Variants in GAS6 observed in about 807,000 individuals in gnomAD.
GAS6 encodes the protein growth arrest-specific protein 6.
In GAS6, 41 loss-of-function variants were observed where a neutral mutation model predicts 75.8. The observed-to-expected ratio is 0.54, with a 90% confidence interval of 0.42 to 0.70. The LOEUF (loss-of-function observed/expected upper bound fraction) is 0.70. Ranked by LOEUF, GAS6 falls within the 30% of genes least tolerant of loss-of-function variation. The probability of loss-of-function intolerance (pLI) is 0.00; values close to 1 mark genes in which losing one functional copy is unlikely to be tolerated. For missense variants in GAS6, 854 were observed against 940.2 expected, an observed-to-expected ratio of 0.91 and a Z score of 1.20; for synonymous variants, 432 against 412.6, an observed-to-expected ratio of 1.05 and a Z score of -0.57.
intron 12 of GAS6, among the ~76,000 whole-genome samples, chr13:113,826,427 C>CTCAGCT (rs776088717): frequency 8.0e-6 from 1 of 125,254 alleles, no homozygotes; most frequent in African/African-American, 3.1e-5. Flanking sequence ...CGGCGCTGGC[C>CTCAGCT]TCGCAGGCAC....
Position 113,863,868 on chromosome 13 carries a change from AGC to A in GAS6, c.51_52del (p.Gln17HisfsTer101). ...CTCCGCGGCCAGCAGCAGCAGCAGC[AGC>A]TGCGGCGCGCGGCGCAGGGCGGCGG... On this transcript the variant is annotated frameshift_variant, in exon 1 of 15. Coordinates refer to ENST00000327773, the MANE Select transcript of GAS6 (RefSeq NM_000820.4). LOFTEE classifies it high-confidence loss of function. This position sits in a 1 kb window ranked among gnomAD's most constrained non-coding sequence, Gnocchi z 9.4. 8.2e-7 allele frequency: 1 copy of A among 1,219,458 alleles called. No homozygotes were observed. The highest frequency in any genetic ancestry group is 1.0e-6 in the Non-Finnish European group (1 of 979,988). The allele number at this position is 1,219,458 out of a possible 1,614,324, so 75.5% of individuals were successfully genotyped here. A position where few individuals can be genotyped will look rare whatever the true frequency, so the allele number is the denominator to read the frequency against.
chr13:113,828,506 A>G, intron 11 of GAS6, 41 bp downstream of exon 11: 2 of 1,582,060 alleles, frequency 1.3e-6, no homozygotes, highest in Non-Finnish European at 1.7e-6. Context: ...CCGGGATCCC[A>G]GCACACGGCG....
intron 4 of GAS6, among the ~76,000 whole-genome samples, chr13:113,846,041 A>G (rs557112318): frequency 6.6e-6 from 1 of 152,348 alleles, no homozygotes; most frequent in East Asian, 1.9e-4. Context: ...ACATCAGCCA[A>G]TATGCATGGG....
chr13:113,859,476 G>A (rs897127011), intron 2 of GAS6, among the ~76,000 whole-genome samples: 4 of 152,080 alleles, frequency 2.6e-5, no homozygotes, highest in African/African-American at 4.8e-5. Flanking sequence ...ATGTGAATGT[G>A]TGCATGTATG....
At chr13:113,847,856 G>C (rs8191973) in intron 3 of GAS6, 170 bp downstream of exon 3, 113,917 of 683,022 alleles carry the variant, frequency 0.17, 14,663 homozygotes, top group African/African-American at 0.56. Flanking sequence ...ATAAAATAAA[G>C]AGAGAAACTT....
intron 2 of GAS6, among the ~76,000 whole-genome samples, chr13:113,861,632 T>G (rs1399001577): frequency 6.6e-6 from 1 of 152,000 alleles, no homozygotes; most frequent in African/African-American, 2.4e-5. Flanking sequence ...CAGTGGAGAC[T>G]AGGGTCCTGG....
intron 14 of GAS6, 128 bp from the exon 15 acceptor site, chr13:113,821,146 T>C (rs533981191): frequency 1.3e-4 from 120 of 943,520 alleles, no homozygotes; most frequent in Admixed American, 4.4e-4. Context: ...TTCCCTTTCT[T>C]CTCTAACTTC....
At chr13:113,846,072 G>A (rs1354718153) in intron 4 of GAS6, among the ~76,000 whole-genome samples, 5 of 152,250 alleles carry the variant, frequency 3.3e-5, no homozygotes, top group East Asian at 1.9e-4. Flanking sequence ...ATGATGCACC[G>A]GCTGGAAATG....
chr13:113,833,099 T>C (rs1011523765), intron 8 of GAS6: 15 of 1,186,152 alleles, frequency 1.3e-5, no homozygotes, highest in Non-Finnish European at 1.5e-5. Flanking sequence ...GAAATAGATA[T>C]GGATGCCTTG....
At chr13:113,851,473 A>G (rs538727758) in intron 2 of GAS6, among the ~76,000 whole-genome samples, 1 of 150,386 alleles carries the variant, frequency 6.6e-6, no homozygotes, top group Admixed American at 6.7e-5. Context: ...GAGTGAGTAG[A>G]TAGATGAATA....
rs145666590 is a variant in GAS6, at chr13:113,834,631, C to G, written c.754G>C (p.Val252Leu). The G allele has an allele frequency of 1.2e-6, 2 of 1,606,752 alleles. No homozygotes were observed. Among genetic ancestry groups the G allele is most frequent in the East Asian group, 4.5e-5 (2 of 44,552 alleles). Residue 252 changes from valine (V) to leucine (L), a missense_variant, in exon 8 of 15, where the codon GTG (valine) becomes CTG (leucine). Physicochemically the swap from Val to Leu is conservative, Grantham distance 32. Coordinates refer to ENST00000327773, the MANE Select transcript of GAS6 (RefSeq NM_000820.4). The part of the protein sequence containing the change: ...CLQGRCEQVC[V>L]NSPGSYTCHC... ...CAGGTGTAGCTCCCTGGGGAGTTCACGCAGACCTGCTCACAGCGGCCCTGC... is the reference window on the plus strand; with the variant it reads ...CAGGTGTAGCTCCCTGGGGAGTTCAGGCAGACCTGCTCACAGCGGCCCTGC...
intron 10 of GAS6, among the ~76,000 whole-genome samples, chr13:113,829,268 G>T (rs1415062078): frequency 6.8e-6 from 1 of 147,574 alleles, no homozygotes; most frequent in South Asian, 2.2e-4. Flanking sequence ...TGGGCCAAGA[G>T]GGTCCCAATC....
intron 2 of GAS6, among the ~76,000 whole-genome samples, chr13:113,860,452 A>C (rs1215576812): frequency 6.6e-6 from 1 of 152,192 alleles, no homozygotes; most frequent in Non-Finnish European, 1.5e-5. Context: ...ATAAGTCTCT[A>C]GTCTCGGATC....
chr13:113,820,962 CCA>C lies in GAS6; in HGVS notation c.1937_1938del (p.Leu646ArgfsTer63). On this transcript the variant is annotated frameshift_variant, in exon 15 of 15. Coordinates refer to ENST00000327773, the MANE Select transcript of GAS6 (RefSeq NM_000820.4). LOFTEE classifies it low-confidence loss of function (END_TRUNC). Reference sequence around the variant, plus strand: ...AGGTCCAGCAGCCTCCGGTTGACCTCCAGTGTCATGCAGCCGCGGTAGAACGC... The same window carrying C: ...AGGTCCAGCAGCCTCCGGTTGACCTCGTGTCATGCAGCCGCGGTAGAACGC... ...VTAFYRGCMTLEVNRRLLDLD... is the reference protein window; with the variant it reads ...VTAFYRGCMTXEVNRRLLDLD... The C allele has an allele frequency of 6.2e-7, 1 of 1,612,768 alleles. No homozygotes were observed. The highest frequency in any genetic ancestry group is 8.5e-7 in the Non-Finnish European group (1 of 1,179,902).
intron 8 of GAS6, among the ~76,000 whole-genome samples, 193 bp downstream of exon 8, chr13:113,834,358 A>C (rs1200432502): frequency 6.6e-6 from 1 of 152,200 alleles, no homozygotes; most frequent in Non-Finnish European, 1.5e-5. Context: ...GTTGCCATAG[A>C]GACTCTATAA....
At chr13:113,855,042 C>A (rs2051903550) in intron 2 of GAS6, among the ~76,000 whole-genome samples, 1 of 152,250 alleles carries the variant, frequency 6.6e-6, no homozygotes, top group African/African-American at 2.4e-5. Context: ...GGATGTCTCA[C>A]TGCAAATGCT....
chr13:113,837,379 G>T lies in GAS6; in HGVS notation c.589+690C>A, dbSNP rs2051728418. Among the ~76,000 whole-genome samples the T allele has an allele frequency of 6.6e-6, 1 of 152,092 alleles. No homozygotes were observed. Among genetic ancestry groups the T allele is most frequent in the Non-Finnish European group, 1.5e-5 (1 of 68,006 alleles). ...CCTGTCCACGCAGTTCGGTGTCCTGGACAGTCAGCAGCAGCGCTAAGAACT... is the reference window on the plus strand; with the variant it reads ...CCTGTCCACGCAGTTCGGTGTCCTGTACAGTCAGCAGCAGCGCTAAGAACT... On this transcript the variant is annotated intron_variant, in intron 6 of 14. Coordinates refer to ENST00000327773, the MANE Select transcript of GAS6 (RefSeq NM_000820.4). This position sits in a 1 kb window ranked among gnomAD's most constrained non-coding sequence, Gnocchi z 5.1.
intron 7 of GAS6, 140 bp from the exon 8 acceptor site, chr13:113,834,812 G>C (rs2051681015): frequency 2.2e-6 from 2 of 928,880 alleles, no homozygotes; most frequent in African/African-American, 1.7e-5. Context: ...CGGCTTGGGG[G>C]TCGCGTCCCC....
At chr13:113,842,446 G>T (rs1226975672) in intron 4 of GAS6, 3 of 395,242 alleles carry the variant, frequency 7.6e-6, no homozygotes, top group East Asian at 3.6e-5. Context: ...CAGCACAGCC[G>T]CCAGGAGCCG....
Sources: gnomAD v4.1 joint callset for allele counts (sites outside exome capture counted in the v4.1 genomes callset) on GRCh38, gnomAD v4.1.1 for gene constraint, Gnocchi (gnomAD v3.1) non-coding constraint, MANE v1.5 for transcripts, NCBI Gene and HGNC (gene_info 2026-07-23, HGNC 2026-07-21) for gene names.